NCOA6: variants seen among roughly 807,000 people sequenced by gnomAD.
NCOA6 encodes the protein NRC RAP250.
A neutral mutation model predicts 171.4 loss-of-function variants in NCOA6; 49 were observed. The observed-to-expected ratio is 0.29, with a 90% CI of 0.23 to 0.36. The LOEUF is 0.36. Among genes scored for constraint, NCOA6 ranks in the 10% least tolerant of loss-of-function variants. The pLI, the probability that NCOA6 is intolerant of heterozygous loss-of-function variation, is 1.00. For synonymous variants in NCOA6, 910 were observed against 927.5 expected, an observed-to-expected ratio of 0.98 and a Z score of 0.34; for missense variants, 2,248 against 2,554.5, an observed-to-expected ratio of 0.88 and a Z score of 2.59.
At chr20:34,814,342 G>GA (rs890608562) in intron 1 of NCOA6, among the ~76,000 whole-genome samples, 56 of 148,134 alleles carry the variant, frequency 3.8e-4, no homozygotes, top group East Asian at 3.8e-3. Flanking sequence ...CCATCTTGGG[G>GA]AAAAAAAAAA....
At position 34,742,295 on chromosome 20, in the gene NCOA6, T is replaced by C. The variant is rs1371178375; in HGVS notation, c.3961A>G (p.Thr1321Ala). The part of the protein sequence containing the change: ...NSGKQSNSGA[T>A]KRASPSNSRR... ...CTGTTGCTTGGACTTGCCCGTTTTG[T>C]TGCTCCAGAATTAGACTGCTTTCCA... Residue 1321 changes from threonine (T) to alanine (A), a missense_variant, in exon 11 of 15, where the codon ACA becomes GCA. Thr to Ala is a moderately conservative substitution (Grantham distance 58). This residue lies in a region of NCOA6 where 884 missense variants were observed against 941.9 expected (regional missense o/e 0.94). Transcript: ENST00000359003. The C allele has an allele frequency of 8.7e-6, 14 of 1,614,126 alleles. No individual in the cohort carries two copies. The highest frequency in any genetic ancestry group is 1.1e-5 in the South Asian group (1 of 91,094).
intron 14 of NCOA6, among the ~76,000 whole-genome samples, chr20:34,720,383 C>G (rs1359454544): frequency 3.3e-5 from 5 of 152,140 alleles, no homozygotes; most frequent in African/African-American, 4.8e-5. Flanking sequence ...AAAGAATGAC[C>G]AAAAACCATG....
intron 5 of NCOA6, among the ~76,000 whole-genome samples, chr20:34,761,661 G>GT (rs553356704): frequency 9.9e-5 from 15 of 151,414 alleles, no homozygotes; most frequent in African/African-American, 2.2e-4. Flanking sequence ...GTTTTGTTTT[G>GT]TTTTTTTTCT....
intron 2 of NCOA6, among the ~76,000 whole-genome samples, chr20:34,787,341 C>T (rs2077717806): frequency 6.6e-6 from 1 of 151,720 alleles, no homozygotes; most frequent in East Asian, 1.9e-4. Context: ...CCTGCCAACA[C>T]AGTAAGACCC....
intron 1 of NCOA6, among the ~76,000 whole-genome samples, chr20:34,822,854 T>TGA (rs2079048140): frequency 1.3e-5 from 2 of 152,208 alleles, no homozygotes; most frequent in Non-Finnish European, 2.9e-5. Context: ...AACTTTTAAC[T>TGA]GAAAATTACC....
intron 13 of NCOA6, 52 bp from the exon 14 acceptor site, chr20:34,727,459 C>A (rs1473763263): frequency 6.3e-7 from 1 of 1,587,786 alleles, no homozygotes; most frequent in Admixed American, 1.7e-5. Context: ...CCAGGCCACA[C>A]AAAAAACGGG....
chr20:34,821,250 T>C (rs1435353618), intron 1 of NCOA6: 2 of 152,218 alleles, frequency 1.3e-5, no homozygotes, highest in East Asian at 1.9e-4. Context: ...AACTCTGCTA[T>C]TGGTACCACA....
At chr20:34,793,127 G>A (rs1332440659) in intron 1 of NCOA6, among the ~76,000 whole-genome samples, 1 of 151,996 alleles carries the variant, frequency 6.6e-6, no homozygotes, top group African/African-American at 2.4e-5. Context: ...TTCAAAGATT[G>A]TAGAAGCAAA....
intron 1 of NCOA6, among the ~76,000 whole-genome samples, chr20:34,803,093 G>A (rs2078310792): frequency 6.6e-6 from 1 of 152,022 alleles, no homozygotes; most frequent in South Asian, 2.1e-4. Flanking sequence ...TTACAAGCAT[G>A]AGCCACCATG....
At chr20:34,763,282 C>T (rs571846846) in intron 5 of NCOA6, among the ~76,000 whole-genome samples, 1 of 152,006 alleles carries the variant, frequency 6.6e-6, no homozygotes, top group African/African-American at 2.4e-5. Flanking sequence ...TGTCTCTTGA[C>T]CTCTTTCATA....
At chr20:34,751,393 A>AAAAAAAAAAAAAAAAAT in intron 8 of NCOA6, among the ~76,000 whole-genome samples, 1 of 135,156 alleles carries the variant, frequency 7.4e-6, no homozygotes, top group East Asian at 2.1e-4. Flanking sequence ...AAAAAAAAAA[A>AAAAAAAAAAAAAAAAAT]AAAGAATGTG....
At chr20:34,770,163 C>T (rs1009876977) in intron 4 of NCOA6, among the ~76,000 whole-genome samples, 1 of 152,096 alleles carries the variant, frequency 6.6e-6, no homozygotes, top group Non-Finnish European at 1.5e-5. Context: ...CCTCAGCCTC[C>T]CGAGTAGCTG....
intron 14 of NCOA6, among the ~76,000 whole-genome samples, chr20:34,720,152 A>T (rs1248554085): frequency 6.6e-6 from 1 of 152,224 alleles, no homozygotes; most frequent in Non-Finnish European, 1.5e-5. Flanking sequence ...TCCCAGTTGA[A>T]AATATAACAA....
chr20:34,780,746 T>C (rs1044784471), intron 3 of NCOA6, among the ~76,000 whole-genome samples: 1 of 152,140 alleles, frequency 6.6e-6, no homozygotes, highest in Non-Finnish European at 1.5e-5. Flanking sequence ...TTGACCTCCC[T>C]GGGCTCAAGT....
At chr20:34,748,335 T>A (rs966008935) in intron 9 of NCOA6, among the ~76,000 whole-genome samples, 3 of 152,238 alleles carry the variant, frequency 2.0e-5, no homozygotes, top group Admixed American at 2.0e-4. Flanking sequence ...TGATTAGCTT[T>A]TAAAGCATAA....
chr20:34,776,524 A>G (rs1230294381), intron 3 of NCOA6, 76 bp from the exon 4 acceptor site: 3 of 1,496,366 alleles, frequency 2.0e-6, no homozygotes, highest in Non-Finnish European at 2.8e-6. Flanking sequence ...AAACAAACCA[A>G]AAGAGCAAAA....
rs180736269 is a variant in NCOA6 at position 34,790,385 on chromosome 20, C to T, written c.-50+2065G>A. Among the ~76,000 whole-genome samples the T allele has an allele frequency of 1.6e-3, 247 of 152,050 alleles. 3 individuals are homozygous for T. Among genetic ancestry groups the T allele is most frequent in the African/African-American group, 5.2e-3 (215 of 41,484 alleles). ...ATTTAATTATTTTGAGATGGAGTCT[C>T]GCTGTGTTGCCCAGGCTGGAATGCA... On this transcript the variant is annotated intron_variant, in intron 2 of 14. Coordinates refer to ENST00000359003, the MANE Select transcript of NCOA6 (RefSeq NM_014071.5).
intron 1 of NCOA6, among the ~76,000 whole-genome samples, chr20:34,805,043 C>CTT (rs202086666): frequency 2.8e-5 from 4 of 142,058 alleles, no homozygotes; most frequent in South Asian, 2.2e-4. Flanking sequence ...TTCTTATACC[C>CTT]TTTTTTTTTT....
Position 34,741,954 on chromosome 20 carries a change from C to T in NCOA6, c.4302G>A (p.Lys1434=), listed in dbSNP as rs376706096. The change falls in exon 11 of 15, where the codon AAG becomes AAA. Residue 1434 remains lysine (K), a synonymous_variant. Coordinates refer to ENST00000359003, the MANE Select transcript of NCOA6 (RefSeq NM_014071.5). ...DSDCQNSQSR[K]EQVNIELKAV... ...CTTTTAGTTCAATGTTTACCTGTTC[C>T]TTCCTACTCTGGGAATTCTGGCAAT... 1 of 1,614,040 alleles carries T rather than the reference C, an allele frequency of 6.2e-7. No individual in the cohort carries two copies. Among genetic ancestry groups the T allele is most frequent in the Non-Finnish European group, 8.5e-7 (1 of 1,180,028 alleles).
Sources: allele counts gnomAD v4.1 joint callset (sites outside exome capture counted in the v4.1 genomes callset), GRCh38; gene constraint gnomAD v4.1.1; regional missense constraint gnomAD v4.1.1; transcripts MANE v1.5; gene names NCBI Gene and HGNC (gene_info 2026-07-23, HGNC 2026-07-21).